Variants in ABI1 observed in about 807,000 individuals in gnomAD.
ABI1 encodes the protein abl interactor 1.
Under a neutral mutation model 54.6 loss-of-function variants are expected in ABI1, and 14 were observed. The ratio of observed to expected loss-of-function variants is 0.26; its 90% CI spans 0.17 to 0.40. The LOEUF (loss-of-function observed/expected upper bound fraction) is 0.40. ABI1 is among the 10% of genes least tolerant of loss of function. The pLI is 1.00. For missense variants in ABI1, 443 were observed against 598.3 expected (o/e 0.74, Z 2.71); for synonymous variants, 194 against 209.3 (o/e 0.93, Z 0.63).
At chr10:26,782,447 A>C (rs959223334) in intron 2 of ABI1, among the ~76,000 whole-genome samples, 1 of 152,168 alleles carries the variant, frequency 6.6e-6, no homozygotes, top group South Asian at 2.1e-4. Context: ...AATAGAGGCC[A>C]GGCACAGTGG....
At position 26,847,881 on chromosome 10, in the gene ABI1, T is replaced by C. The variant is rs181872498; in HGVS notation, c.117+12866A>G. ...GTTGGGTTATTCTTATTTTTTAAGATGTTGGGCCAGACCTGGTGGCTCACA... is the reference window on the plus strand; with the variant it reads ...GTTGGGTTATTCTTATTTTTTAAGACGTTGGGCCAGACCTGGTGGCTCACA... On this transcript the variant is annotated intron_variant, in intron 1 of 10. Coordinates refer to ENST00000376140, the MANE Select transcript of ABI1 (RefSeq NM_001012750.3). 1.9e-3 allele frequency among the ~76,000 whole-genome samples: 286 copies of C among 152,034 alleles called. 1 individual carries two copies. Among genetic ancestry groups the C allele is most frequent in the Non-Finnish European group, 3.6e-3 (246 of 67,964 alleles).
At chr10:26,804,370 A>G (rs1472867308) in intron 2 of ABI1, among the ~76,000 whole-genome samples, 7 of 151,834 alleles carry the variant, frequency 4.6e-5, no homozygotes, top group Admixed American at 1.3e-4. Flanking sequence ...GTGACAGAGC[A>G]AGGCTCTATT....
intron 2 of ABI1, among the ~76,000 whole-genome samples, chr10:26,816,363 A>C (rs754827592): frequency 1.1e-4 from 16 of 152,234 alleles, no homozygotes; most frequent in South Asian, 2.1e-4. Flanking sequence ...AATATCATGA[A>C]GGCAAATGTA....
chr10:26,823,366 C>A, intron 1 of ABI1, 61 bp from the exon 2 acceptor site: 1 of 1,272,338 alleles, frequency 7.9e-7, no homozygotes, highest in South Asian at 2.0e-5. Flanking sequence ...AATATATATT[C>A]TATAGAAAGG....
At chr10:26,759,325 C>T (rs1838791307) in intron 7 of ABI1, 87 bp from the exon 8 acceptor site, 1 of 1,089,792 alleles carries the variant, frequency 9.2e-7, no homozygotes, top group Non-Finnish European at 1.3e-6. Context: ...GAGGGGGCCT[C>T]AGTAAGAAAT....
rs547618521 is a variant in ABI1 at position 26,794,705 on chromosome 10, T to A, written c.286-17464A>T. 3.3e-5 allele frequency among the ~76,000 whole-genome samples: 5 copies of A among 152,048 alleles called. No homozygotes were observed. In the East Asian group the frequency reaches 9.6e-4, roughly 29 times the overall value. On this transcript the variant is annotated intron_variant, in intron 2 of 10. Transcript: ENST00000376140. ...CAACAGTGTCTGGCATGTAGAAAAA[T>A]CAATATATGTTAGCTTTTTATTATT... is the stretch of plus-strand genomic sequence containing the variant.
chr10:26,787,661 C>T (rs927018366), intron 2 of ABI1, among the ~76,000 whole-genome samples: 5 of 152,134 alleles, frequency 3.3e-5, no homozygotes, highest in Non-Finnish European at 7.4e-5. Flanking sequence ...GCTTTTTCAG[C>T]GAGACTAATT....
At chr10:26,778,480 G>A (rs1841706359) in intron 2 of ABI1, among the ~76,000 whole-genome samples, 2 of 143,690 alleles carry the variant, frequency 1.4e-5, no homozygotes, top group Non-Finnish European at 3.0e-5. Flanking sequence ...GCCAGGATAT[G>A]AACTGAAGTA....
chr10:26,781,338 C>T (rs554422221), intron 2 of ABI1, among the ~76,000 whole-genome samples: 122 of 152,376 alleles, frequency 8.0e-4, no homozygotes, highest in African/African-American at 2.9e-3. Context: ...GCCCCTAGGG[C>T]ATCTCAGCTT....
rs549240506 is a variant in ABI1 at position 26,819,210 on chromosome 10, A to AC, written c.285+3927dup. ...GAACAAAGTGTTACACCAAATCAGCACCCCCCCCAAAAAAAATTCACTCCA... is the reference window on the plus strand; with the variant it reads ...GAACAAAGTGTTACACCAAATCAGCACCCCCCCCCAAAAAAAATTCACTCCA... On this transcript the variant is annotated intron_variant, in intron 2 of 10. Transcript: ENST00000376140. Among the ~76,000 whole-genome samples the AC allele has an allele frequency of 8.0e-3, 1,212 of 151,428 alleles. 7 individuals are homozygous for AC. Among genetic ancestry groups the AC allele is most frequent in the South Asian group, 0.015 (72 of 4,780 alleles).
chr10:26,836,079 T>C (rs946178037), intron 1 of ABI1, among the ~76,000 whole-genome samples: 2 of 151,820 alleles, frequency 1.3e-5, no homozygotes, highest in Non-Finnish European at 2.9e-5. Context: ...TTTAATGACA[T>C]GGATAATTCT....
At chr10:26,770,406 A>C (rs781454170) in intron 4 of ABI1, 61 bp from the exon 5 acceptor site, 133 of 1,421,046 alleles carry the variant, frequency 9.4e-5, no homozygotes, top group Admixed American at 2.9e-4. Context: ...GTGTTTTAAC[A>C]CCATGTATTA....
intron 2 of ABI1, among the ~76,000 whole-genome samples, chr10:26,798,112 A>G (rs1844423536): frequency 6.6e-6 from 1 of 152,236 alleles, no homozygotes. Context: ...AATTCAGAGC[A>G]GAAAACATGA....
At chr10:26,822,614 T>C (rs770917893) in intron 2 of ABI1, among the ~76,000 whole-genome samples, 1 of 151,510 alleles carries the variant, frequency 6.6e-6, no homozygotes, top group Non-Finnish European at 1.5e-5. Context: ...AAAAAATTAG[T>C]AAATACTATA....
At chr10:26,787,974 C>T (rs960030204) in intron 2 of ABI1, among the ~76,000 whole-genome samples, 1 of 152,000 alleles carries the variant, frequency 6.6e-6, no homozygotes, top group African/African-American at 2.4e-5. Context: ...ACTAAAATTT[C>T]ATTTTGCTTA....
chr10:26,828,807 G>C (rs2048472876), intron 1 of ABI1, among the ~76,000 whole-genome samples: 1 of 152,190 alleles, frequency 6.6e-6, no homozygotes, highest in Non-Finnish European at 1.5e-5. Context: ...TATTTGCATA[G>C]GGTGGGATAT....
intron 1 of ABI1, among the ~76,000 whole-genome samples, chr10:26,843,869 C>T (rs549172531): frequency 6.6e-6 from 1 of 152,198 alleles, no homozygotes; most frequent in East Asian, 1.9e-4. Flanking sequence ...TTAGCTCATA[C>T]AAAAGTGATT....
intron 2 of ABI1, among the ~76,000 whole-genome samples, chr10:26,795,647 A>G (rs982013674): frequency 3.3e-5 from 5 of 151,894 alleles, no homozygotes; most frequent in Non-Finnish European, 7.3e-5. Context: ...AATTCCATTT[A>G]TGATAGCATC....
At chr10:26,809,142 C>T (rs1340415469) in intron 2 of ABI1, among the ~76,000 whole-genome samples, 2 of 151,474 alleles carry the variant, frequency 1.3e-5, no homozygotes, top group Admixed American at 6.6e-5. Context: ...TGGTGGTGGG[C>T]GCCTTTAATC....
Sources: allele counts gnomAD v4.1 joint callset (sites outside exome capture counted in the v4.1 genomes callset), GRCh38; gene constraint gnomAD v4.1.1; transcripts MANE v1.5; gene names NCBI Gene and HGNC (gene_info 2026-07-23, HGNC 2026-07-21).